Variants in ZNF782 observed in about 807,000 individuals in gnomAD.
ZNF782 encodes the protein zinc finger protein 782.
In ZNF782, 12 loss-of-function variants were observed where a neutral mutation model predicts 13.0. That is an observed-to-expected ratio of 0.92 (90% CI 0.59 to 1.50). The LOEUF is 1.50. Among genes scored for constraint, ZNF782 ranks in the 40% most tolerant of loss-of-function variants. The pLI is 0.00. For missense variants in ZNF782, 770 were observed against 822.9 expected, an observed-to-expected ratio of 0.94 and a Z score of 0.79; for synonymous variants, 284 against 283.0, an observed-to-expected ratio of 1.00 and a Z score of -0.04.
upstream of ZNF782, among the ~76,000 whole-genome samples, chr9:96,858,425 T>G (rs1851669186): frequency 6.6e-6 from 1 of 152,032 alleles, no homozygotes; most frequent in African/African-American, 2.4e-5. The surrounding 1 kb of genome is among the most constrained non-coding windows in gnomAD (Gnocchi z 4.4). Context: ...GAGAGTGCAA[T>G]AAATCTTGCT....
Position 96,818,032 on chromosome 9 carries a change from T to G in ZNF782, c.1991A>C (p.His664Pro), listed in dbSNP as rs143056075. 233 of 1,614,056 alleles carry G rather than the reference T, an allele frequency of 1.4e-4. No individual in the cohort carries two copies. In the African/African-American group the frequency reaches 2.7e-3, roughly 18 times the overall value. Reference sequence around the variant, plus strand: ...TTTCTCCCCTGTGTGAGTTCTCTGATGTACTCTGAGATTGGATTTCTGACT... The same window carrying G: ...TTTCTCCCCTGTGTGAGTTCTCTGAGGTACTCTGAGATTGGATTTCTGACT... The part of the protein sequence containing the change: ...AFSQKSNLRV[H>P]QRTHTGEKPY... The change falls in exon 6 of 6, where the codon CAT becomes CCT. Residue 664 changes from histidine to proline, a missense_variant. Transcript: ENST00000481138.
At chr9:96,912,006 C>T in the ZNF782 span, among the ~76,000 whole-genome samples, 12 of 151,638 alleles carry the variant, frequency 7.9e-5, no homozygotes, top group Non-Finnish European at 1.3e-4. Context: ...TCAAGACCAG[C>T]CTGACCAACA....
chr9:96,931,796 G>C, the ZNF782 span: 2 of 1,611,664 alleles, frequency 1.2e-6, no homozygotes, highest in Non-Finnish European at 1.7e-6. Flanking sequence ...TCTGCCCTTT[G>C]CCACACCCTC....
chr9:96,819,767 G>T lies in ZNF782; in HGVS notation c.256C>A (p.Pro86Thr). Reference sequence around the variant, plus strand: ...GGGCTCTTCTCTGAGATTTCATCAGGTTGGGAGTCTTCTAAAAATGATAAA... The same window carrying T: ...GGGCTCTTCTCTGAGATTTCATCAGTTTGGGAGTCTTCTAAAAATGATAAA... Reference protein sequence around the residue: ...LSRNSPEDSQPDEISEKSPEN... With the variant: ...LSRNSPEDSQTDEISEKSPEN... The change falls in exon 6 of 6, where the codon CCT becomes ACT. Residue 86 changes from proline (P) to threonine (T), a missense_variant. Coordinates refer to ENST00000481138, the MANE Select transcript of ZNF782 (RefSeq NM_001001662.3). The T allele has an allele frequency of 1.3e-6, 2 of 1,570,430 alleles. No homozygotes were observed. Among genetic ancestry groups the T allele is most frequent in the South Asian group, 2.4e-5 (2 of 83,558 alleles).
At chr9:96,842,992 T>C (rs1851232587) in intron 4 of ZNF782, among the ~76,000 whole-genome samples, 2 of 152,064 alleles carry the variant, frequency 1.3e-5, no homozygotes, top group Non-Finnish European at 2.9e-5. Flanking sequence ...AGGATCACTA[T>C]GAGATATTGC....
chr9:96,857,733 T>G (rs1009654075), upstream of ZNF782, among the ~76,000 whole-genome samples: 1 of 152,212 alleles, frequency 6.6e-6, no homozygotes, highest in Non-Finnish European at 1.5e-5. Flanking sequence ...TTCTGATAAT[T>G]TTTCAATATT....
chr9:96,874,874 G>A (rs1327434557), intron 1 of ZNF782, among the ~76,000 whole-genome samples: 1 of 152,168 alleles, frequency 6.6e-6, no homozygotes, highest in Admixed American at 6.5e-5. Context: ...TCAATACATT[G>A]GACTGAAAAC....
rs1042879494 is a variant in ZNF782, at chr9:96,854,492, C to A, written c.-666G>T. The A allele has an allele frequency of 6.6e-6, 1 of 152,252 alleles. No homozygotes were observed. Among genetic ancestry groups the A allele is most frequent in the Non-Finnish European group, 1.5e-5 (1 of 68,076 alleles). The allele number at this position is 152,252 out of a possible 1,614,324, so 9.4% of individuals were successfully genotyped here. A position where few individuals can be genotyped will look rare whatever the true frequency, so the allele number is the denominator to read the frequency against. Reference sequence around the variant, plus strand: ...AACCGCTTCCCGGGAGTCTCGAGAACCCAAATGAGGAGGCGGGGCTCTGGC... The same window carrying A: ...AACCGCTTCCCGGGAGTCTCGAGAAACCAAATGAGGAGGCGGGGCTCTGGC... On this transcript the variant is annotated 5_prime_UTR_variant, in exon 1 of 6. Transcript: ENST00000481138.
intron 4 of ZNF782, among the ~76,000 whole-genome samples, chr9:96,827,770 C>A (rs1850674088): frequency 6.6e-6 from 1 of 152,160 alleles, no homozygotes; most frequent in African/African-American, 2.4e-5. Context: ...ATTTCCATAA[C>A]AGACAACTAA....
At chr9:96,872,203 T>C (rs534882098) in intron 1 of ZNF782, among the ~76,000 whole-genome samples, 1 of 152,340 alleles carries the variant, frequency 6.6e-6, no homozygotes, top group Admixed American at 6.5e-5. Context: ...TTCTCATGTT[T>C]ACATTAAAAG....
In ZNF782 at chr9:96,824,782, T is replaced by C. The variant is rs1332995498; in HGVS notation, c.244+2298A>G. 2.0e-5 allele frequency among the ~76,000 whole-genome samples: 3 copies of C among 148,906 alleles called. No homozygotes were observed. In the East Asian group the frequency reaches 6.0e-4, roughly 30 times the overall value. ...AATAACAGACAAACAGAGAGCCAAA[T>C]CATGAGTGAACTCCCATTCACAACT... On this transcript the variant is annotated intron_variant, in intron 5 of 5. Coordinates refer to ENST00000481138, the MANE Select transcript of ZNF782 (RefSeq NM_001001662.3).
the ZNF782 span, among the ~76,000 whole-genome samples, chr9:96,900,359 T>C: frequency 6.6e-6 from 1 of 150,960 alleles, no homozygotes; most frequent in African/African-American, 2.4e-5. Context: ...AAGCTGCTTA[T>C]AGATTTCATG....
intron 1 of ZNF782, among the ~76,000 whole-genome samples, chr9:96,871,409 T>G (rs1270011921): frequency 6.6e-6 from 1 of 152,186 alleles, no homozygotes. Flanking sequence ...TCCTCCCATG[T>G]CAGCCTACCA....
Position 96,861,103 on chromosome 9 carries a change from A to T in ZNF782, c.-381+425T>A, listed in dbSNP as rs138982810. On this transcript the variant is annotated intron_variant, in intron 2 of 5. Transcript: ENST00000498811. ...CTCTATTTCTTAAAAAAAAAATTTT[A>T]AAAAAGATTTAAATCAAAGACCTCA... 9.7e-3 allele frequency among the ~76,000 whole-genome samples: 1,475 copies of T among 152,314 alleles called. 21 individuals are homozygous for T. The highest frequency in any genetic ancestry group is 0.032 in the African/African-American group (1,329 of 41,552).
At chr9:96,907,203 T>C in the ZNF782 span, among the ~76,000 whole-genome samples, 2 of 152,112 alleles carry the variant, frequency 1.3e-5, no homozygotes, top group African/African-American at 4.8e-5. Flanking sequence ...AAAGAATTTC[T>C]GACAAATGGA....
intron 1 of ZNF782, among the ~76,000 whole-genome samples, chr9:96,872,791 T>A (rs948719403): frequency 1.3e-5 from 2 of 152,226 alleles, no homozygotes; most frequent in African/African-American, 4.8e-5. Context: ...CTTAGTGGCA[T>A]AGCGTATTAG....
At chr9:96,873,311 G>A (rs184352814) in intron 1 of ZNF782, among the ~76,000 whole-genome samples, 1 of 152,298 alleles carries the variant, frequency 6.6e-6, no homozygotes, top group Non-Finnish European at 1.5e-5. Context: ...CATGTAATAT[G>A]CAATAACTAA....
intron 5 of ZNF782, among the ~76,000 whole-genome samples, chr9:96,821,951 A>G (rs1168981977): frequency 6.6e-6 from 1 of 152,210 alleles, no homozygotes; most frequent in East Asian, 1.9e-4. Context: ...GGCGTAAGCC[A>G]CCGCGCCTGG....
At chr9:96,931,835 G>C in the ZNF782 span, 3 of 1,612,280 alleles carry the variant, frequency 1.9e-6, no homozygotes, top group Non-Finnish European at 1.7e-6. Flanking sequence ...GCCGCCCCTC[G>C]TGACTGCAGT....
Sources: allele counts gnomAD v4.1 joint callset (sites outside exome capture counted in the v4.1 genomes callset), GRCh38; gene constraint gnomAD v4.1.1; non-coding constraint Gnocchi (gnomAD v3.1); transcripts MANE v1.5; gene names NCBI Gene and HGNC (gene_info 2026-07-23, HGNC 2026-07-21).